The following RIPK4 variants were observed in gnomAD, a reference collection of about 807,000 sequenced individuals.
RIPK4 encodes the protein receptor interacting serine/threonine kinase 4, also known as receptor-interacting serine/threonine-protein kinase 4.
Under a neutral mutation model 42.9 loss-of-function variants are expected in RIPK4, and 17 were observed. The observed-to-expected ratio is 0.40, with a 90% CI of 0.27 to 0.59. The LOEUF (loss-of-function observed/expected upper bound fraction) is 0.59. Among genes scored for constraint, RIPK4 ranks in the 20% least tolerant of loss-of-function variants. The pLI, the probability that RIPK4 is intolerant of heterozygous loss-of-function variation, is 0.47. For missense variants in RIPK4, 897 were observed against 1,104.4 expected, an observed-to-expected ratio of 0.81 and a Z score of 2.66; for synonymous variants, 498 against 499.1, an observed-to-expected ratio of 1.00 and a Z score of 0.03.
chr21:41,765,133 G>C (rs2061232241), intron 1 of RIPK4, among the ~76,000 whole-genome samples: 1 of 152,196 alleles, frequency 6.6e-6, no homozygotes, highest in African/African-American at 2.4e-5. Context: ...AGTCCAGGTA[G>C]GTGCTTGTTT....
chr21:41,742,510 G>C lies in RIPK4; in HGVS notation c.1196-513C>G, dbSNP rs373153832. On this transcript the variant is annotated intron_variant, in intron 7 of 7. Transcript: ENST00000332512. The surrounding 1 kb of genome is among the most constrained non-coding windows in gnomAD (Gnocchi z 5.1). ...CTCCTGACCTGGGGAGGTTAAGTCG[G>C]AAGTTTTCTATGATAATCCTGAAGG... Among the ~76,000 whole-genome samples, 2 of 152,172 alleles carry C rather than the reference G, an allele frequency of 1.3e-5. No individual in the cohort carries two copies. Among genetic ancestry groups the C allele is most frequent in the East Asian group, 1.9e-4 (1 of 5,184 alleles).
rs780969966 is a variant in RIPK4 at position 41,740,935 on chromosome 21, G to T, written c.2258C>A (p.Thr753Asn). The change falls in exon 8 of 8, where the codon ACT becomes AAT. Residue 753 changes from threonine (T) to asparagine (N), a missense_variant. Physicochemically the swap from Thr to Asn is moderately conservative, Grantham distance 65. Coordinates refer to ENST00000332512, the MANE Select transcript of RIPK4 (RefSeq NM_020639.3). ...AQGRHAQTVE[T>N]LLRHGAHINL... ...GATGTGGGCCCCATGCCTGAGCAGA[G>T]TCTCCACCGTCTGTGCGTGCCGGCC... 2.5e-6 allele frequency: 4 copies of T among 1,612,630 alleles called. No homozygotes were observed. The South Asian group carries it at 4.4e-5, about 18-fold the overall frequency.
chr21:41,741,366 G>A lies in RIPK4; in HGVS notation c.1827C>T (p.His609=), dbSNP rs1402474696. The change falls in exon 8 of 8, where the codon CAC becomes CAT. Residue 609 remains histidine, a synonymous_variant. Transcript: ENST00000332512. ...AQTLDGRTPL[H]LAAQRGHYRV... is the part of the protein sequence containing the mutation. ...GGTAGTGCCCGCGCTGTGCGGCCAG[G>A]TGCAATGGCGTCCTCCCATCCAGCG... 6.2e-7 allele frequency: 1 copy of A among 1,611,988 alleles called. No homozygotes were observed. Among genetic ancestry groups the A allele is most frequent in the Admixed American group, 1.7e-5 (1 of 60,008 alleles).
chr21:41,753,315 C>A (rs985271446), intron 2 of RIPK4, among the ~76,000 whole-genome samples: 1 of 152,206 alleles, frequency 6.6e-6, no homozygotes, highest in African/African-American at 2.4e-5. Context: ...GTGCAGAGAT[C>A]TCAGCCTGGT....
Position 41,739,859 on chromosome 21 carries a change from G to C in RIPK4, c.*979C>G, listed in dbSNP as rs1444781955. On this transcript the variant is annotated 3_prime_UTR_variant, in exon 8 of 8. Transcript: ENST00000332512. ...AAAAATGAGAGCTGGGAAGGGCGCAGGTGAGCAGTGCATCTACCTAGGTAA... is the reference window on the plus strand; with the variant it reads ...AAAAATGAGAGCTGGGAAGGGCGCACGTGAGCAGTGCATCTACCTAGGTAA... The C allele has an allele frequency of 6.6e-6, 1 of 152,300 alleles. No homozygotes were observed. The highest frequency in any genetic ancestry group is 2.4e-5 in the African/African-American group (1 of 41,468). 9.4% of individuals were successfully genotyped at this position (152,300 alleles called of 1,614,324 possible). A position where few individuals can be genotyped will look rare whatever the true frequency, so the allele number is the denominator to read the frequency against.
intron 3 of RIPK4, 126 bp from the exon 4 acceptor site, chr21:41,749,329 A>G: frequency 2.3e-6 from 2 of 864,756 alleles, no homozygotes; most frequent in South Asian, 2.9e-5. Flanking sequence ...CATGACACCG[A>G]GATATTTCTC....
chr21:41,749,084 GACA>G, intron 4 of RIPK4, 67 bp downstream of exon 4: 3 of 1,517,228 alleles, frequency 2.0e-6, no homozygotes, highest in Non-Finnish European at 2.7e-6. Context: ...ATAGAGAAAG[GACA>G]ACAAGGTGTC....
intron 4 of RIPK4, 190 bp from the exon 5 acceptor site, chr21:41,746,961 T>G (rs2061173960): frequency 1.6e-6 from 1 of 609,026 alleles, no homozygotes; most frequent in African/African-American, 1.9e-5. Flanking sequence ...TGCGCCATGC[T>G]CTCTAGTTTC....
In RIPK4 at chr21:41,741,881, C is replaced by T. The variant is rs1055788509; in HGVS notation, c.1312G>A (p.Gly438Ser). The T allele has an allele frequency of 6.2e-6, 10 of 1,613,402 alleles. No homozygotes were observed. The highest frequency in any genetic ancestry group is 1.3e-5 in the African/African-American group (1 of 74,952). ...ACCGCCAGGTGCAGCAGGCTGGCAC[C>T]GCTGTCCAGTGCCAGGTCCACGTCC... ...PQDVDLALDS[G>S]ASLLHLAVEA... Residue 438 changes from glycine to serine, a missense_variant, in exon 8 of 8, where the codon GGT (glycine) becomes AGT (serine). Coordinates refer to ENST00000332512, the MANE Select transcript of RIPK4 (RefSeq NM_020639.3).
rs760626227 is a variant in RIPK4 at position 41,741,428 on chromosome 21, G to A, written c.1765C>T (p.Leu589=). The A allele has an allele frequency of 1.2e-6, 2 of 1,612,860 alleles. No homozygotes were observed. The highest frequency in any genetic ancestry group is 8.5e-7 in the Non-Finnish European group (1 of 1,179,950). The change falls in exon 8 of 8, where the codon CTG becomes TTG. Residue 589 remains leucine (L), a synonymous_variant. Transcript: ENST00000332512. ...ACACTCACCCCCGGCTGCTTGGCCA[G>A]CAGCTTGACGATGGGCAGGTGGCCC... ...WQGHLPIVKL[L]AKQPGVSVNA... is the part of the protein sequence containing the mutation.
At position 41,740,839 on chromosome 21, in the gene RIPK4, T is replaced by TAC. The variant is rs1273208198; in HGVS notation, c.2353_2354insGT (p.Ter785CysfsTer37). 6.3e-7 allele frequency: 1 copy of TAC among 1,598,762 alleles called. No homozygotes were observed. The highest frequency in any genetic ancestry group is 1.7e-5 in the Admixed American group (1 of 59,172). On this transcript the variant is annotated frameshift_variant and stop_lost, in exon 8 of 8. Transcript: ENST00000332512. LOFTEE classifies it high-confidence loss of function. ...CCCCCGGTCTCCGCAGGCAGCCAGC[T>TAC]AGGTCTTGCTTCGCCGCAGGAGCGT...
At chr21:41,748,425 T>A (rs1332646871) in intron 4 of RIPK4, among the ~76,000 whole-genome samples, 1 of 152,226 alleles carries the variant, frequency 6.6e-6, no homozygotes, top group East Asian at 1.9e-4. Context: ...CCTGGATTTT[T>A]ATGATAAGTA....
intron 1 of RIPK4, among the ~76,000 whole-genome samples, chr21:41,760,529 C>T (rs1056121485): frequency 6.6e-6 from 1 of 152,220 alleles, no homozygotes. Flanking sequence ...AGTCCAGGGG[C>T]ACCCGGGAGG....
intron 5 of RIPK4, chr21:41,746,306 G>A (rs2061171048): frequency 1.7e-6 from 1 of 595,698 alleles, no homozygotes. Context: ...TAAGTCCCCG[G>A]GAAGAGCATG....
At chr21:41,752,070 T>C (rs2061190248) in intron 2 of RIPK4, among the ~76,000 whole-genome samples, 1 of 152,050 alleles carries the variant, frequency 6.6e-6, no homozygotes, top group Admixed American at 6.5e-5. Context: ...GGGCATCCCC[T>C]TTCCTGCCAG....
Position 41,751,303 on chromosome 21 carries a change from G to A in RIPK4, c.475-58C>T. 2 of 1,594,290 alleles carry A rather than the reference G, an allele frequency of 1.3e-6. No homozygotes were observed. On this transcript the variant is annotated intron_variant, in intron 2 of 7. Coordinates refer to ENST00000332512, the MANE Select transcript of RIPK4 (RefSeq NM_020639.3). This position sits in a 1 kb window ranked among gnomAD's most constrained non-coding sequence, Gnocchi z 4.5. ...GCCTGCAACAGTGATATTTTATGAT[G>A]CTTTATCAAAAGCTCCCTTCTGCAA...
intron 1 of RIPK4, among the ~76,000 whole-genome samples, chr21:41,762,866 G>A (rs1403997898): frequency 6.6e-6 from 1 of 152,160 alleles, no homozygotes; most frequent in African/African-American, 2.4e-5. Context: ...ACATCACACA[G>A]TCACATTCGC....
Position 41,741,171 on chromosome 21 carries a change from C to A in RIPK4, c.2022G>T (p.Leu674=), listed in dbSNP as rs2061151956. ...EAMTSDGYTA[L]HLAARNGHLA... ...GGTGTCCGTTGCGGGCAGCCAGGTG[C>A]AGAGCGGTGTAGCCGTCTGAGGTCA... The change falls in exon 8 of 8, where the codon CTG becomes CTT. Residue 674 remains leucine, a synonymous_variant. Coordinates refer to ENST00000332512, the MANE Select transcript of RIPK4 (RefSeq NM_020639.3). The A allele has an allele frequency of 2.5e-6, 4 of 1,612,372 alleles. No individual in the cohort carries two copies. Among genetic ancestry groups the A allele is most frequent in the Non-Finnish European group, 3.4e-6 (4 of 1,179,728 alleles).
rs764183028 is a variant in RIPK4, at chr21:41,740,875, C to A, written c.2318G>T (p.Gly773Val). Residue 773 changes from glycine to valine, a missense_variant, in exon 8 of 8, where the codon GGC becomes GTC. Transcript: ENST00000332512. ...TCGCCGCAGGAGCGTGGCGGCGGGG[C>A]CATGGCCGCCCTGGAACTTGAGGCT... ...LQSLKFQGGH[G>V]PAATLLRRSK... 9.3e-6 allele frequency: 15 copies of A among 1,610,658 alleles called. No homozygotes were observed. The Admixed American group carries it at 2.5e-4, about 27-fold the overall frequency.
Sources: allele counts gnomAD v4.1 joint callset (sites outside exome capture counted in the v4.1 genomes callset), GRCh38; gene constraint gnomAD v4.1.1; non-coding constraint Gnocchi (gnomAD v3.1); transcripts MANE v1.5; gene names NCBI Gene and HGNC (gene_info 2026-07-23, HGNC 2026-07-21).